KDM8: variants seen among roughly 807,000 people sequenced by gnomAD.
KDM8 encodes lysine demethylase 8, also known as bifunctional peptidase and arginyl-hydroxylase JMJD5.
In KDM8, 35 loss-of-function variants were observed where a neutral mutation model predicts 46.9. The ratio of observed to expected loss-of-function variants is 0.75; its 90% CI spans 0.57 to 0.99. The LOEUF (loss-of-function observed/expected upper bound fraction) is 0.99. Ranked by LOEUF, KDM8 falls within the 50% of genes least tolerant of loss-of-function variation. KDM8 has a pLI of 0.00. For missense variants in KDM8, 475 were observed against 537.0 expected (o/e 0.88, Z 1.14); for synonymous variants, 232 against 227.7 (o/e 1.02, Z -0.17).
At chr16:27,214,513 T>G in intron 3 of KDM8, 1 of 245,122 alleles carries the variant, frequency 4.1e-6, no homozygotes, top group Non-Finnish European at 8.3e-6. Context: ...GAGGGCAGAG[T>G]CCAGGAGACT....
At chr16:27,218,818 G>A (rs986445154) in intron 5 of KDM8, 143 bp from the exon 6 acceptor site, 3 of 948,156 alleles carry the variant, frequency 3.2e-6, no homozygotes, top group African/African-American at 3.3e-5. Context: ...CTGCACTCCA[G>A]CCTGAGAAAC....
Position 27,220,403 on chromosome 16 carries a change from G to A in KDM8, c.1004G>A (p.Arg335Lys). The part of the protein sequence containing the change: ...QQNFLVQVMG[R>K]KYIRLYSPQE... ...GGTCTCTCTCCCCAGGTGATGGGGA[G>A]GAAGTACATCCGGCTGTATTCCCCG... The change falls in exon 7 of 8, where the codon AGG (arginine) becomes AAG (lysine). Residue 335 changes from arginine (R) to lysine (K), a missense_variant. Coordinates refer to ENST00000286096, the MANE Select transcript of KDM8 (RefSeq NM_024773.3). The A allele has an allele frequency of 1.2e-6, 2 of 1,613,978 alleles. No homozygotes were observed. Among genetic ancestry groups the A allele is most frequent in the South Asian group, 1.1e-5 (1 of 91,076 alleles).
chr16:27,213,528 C>A, intron 2 of KDM8, 57 bp from the exon 3 acceptor site: 1 of 1,582,852 alleles, frequency 6.3e-7, no homozygotes, highest in Non-Finnish European at 8.6e-7. Flanking sequence ...GGTGGAATAC[C>A]TCAAATGTCG....
intron 3 of KDM8, 53 bp from the exon 4 acceptor site, chr16:27,214,823 C>G: frequency 6.2e-7 from 1 of 1,605,998 alleles, no homozygotes; most frequent in African/African-American, 1.3e-5. Flanking sequence ...ACACTTAGTA[C>G]TATGCCCAAC....
chr16:27,211,414 A>T, intron 2 of KDM8: 1 of 333,296 alleles, frequency 3.0e-6, no homozygotes, highest in Non-Finnish European at 5.9e-6. Flanking sequence ...GCCTGTTCCA[A>T]AGAGCACCCC....
chr16:27,220,737 T>C lies in KDM8; in HGVS notation c.*7T>C, dbSNP rs924812083. 4 of 1,614,164 alleles carry C rather than the reference T, an allele frequency of 2.5e-6. No homozygotes were observed. Among genetic ancestry groups the C allele is most frequent in the South Asian group, 1.1e-5 (1 of 91,088 alleles). On this transcript the variant is annotated 3_prime_UTR_variant, in exon 8 of 8. Coordinates refer to ENST00000286096, the MANE Select transcript of KDM8 (RefSeq NM_024773.3). ...CAGCTTCTGGTGGTCGTAGCCAGGA[T>C]AGGAGCTGAAAGGGCCTGACATGCA...
chr16:27,213,817 T>G, intron 3 of KDM8, 66 bp downstream of exon 3: 1 of 1,528,448 alleles, frequency 6.5e-7, no homozygotes, highest in African/African-American at 1.4e-5. Flanking sequence ...GCTCCCTGAA[T>G]TCCTCCCGAC....
In KDM8 at chr16:27,213,701, C is replaced by T. The variant is rs367775489; in HGVS notation, c.615C>T (p.Pro205=). Residue 205 remains proline (P), a synonymous_variant, in exon 3 of 8, where the codon CCC becomes CCT. Transcript: ENST00000286096. Reference sequence around the variant, plus strand: ...AGCAGTTTTTGGTTCCAGGGAGGCCCGTGATCCTGAAAGGCGTGGCTGACC... The same window carrying T: ...AGCAGTTTTTGGTTCCAGGGAGGCCTGTGATCCTGAAAGGCGTGGCTGACC... The part of the protein sequence containing the change: ...FREQFLVPGR[P]VILKGVADHW... 34 of 1,614,180 alleles carry T rather than the reference C, an allele frequency of 2.1e-5. No homozygotes were observed. Among genetic ancestry groups the T allele is most frequent in the Middle Eastern group, 3.3e-4 (2 of 6,062 alleles).
chr16:27,218,689 A>G (rs999186516), intron 5 of KDM8, among the ~76,000 whole-genome samples: 2 of 152,180 alleles, frequency 1.3e-5, no homozygotes, highest in Admixed American at 1.3e-4. Context: ...AAAAACAAAA[A>G]TTAAAAAAAA....
Position 27,220,617 on chromosome 16 carries a change from C to G in KDM8, c.1138C>G (p.Pro380Ala). The G allele has an allele frequency of 2.5e-6, 4 of 1,614,146 alleles. No individual in the cohort carries two copies. The highest frequency in any genetic ancestry group is 3.4e-6 in the Non-Finnish European group (4 of 1,180,030). The change falls in exon 8 of 8, where the codon CCA (proline) becomes GCA (alanine). Residue 380 changes from proline (P) to alanine (A), a missense_variant. Physicochemically the swap from Pro to Ala is conservative, Grantham distance 27. Coordinates refer to ENST00000286096, the MANE Select transcript of KDM8 (RefSeq NM_024773.3). ...AAAGTTCCCCAAGTTTGCCAAGGCCCCATTCCTGTCCTGCATCCTGTCTCC... is the reference window on the plus strand; with the variant it reads ...AAAGTTCCCCAAGTTTGCCAAGGCCGCATTCCTGTCCTGCATCCTGTCTCC... ...LEKFPKFAKA[P>A]FLSCILSPGE...
At chr16:27,213,537 C>T (rs374946987) in intron 2 of KDM8, 48 bp from the exon 3 acceptor site, 10 of 1,591,052 alleles carry the variant, frequency 6.3e-6, no homozygotes, top group Admixed American at 5.1e-5. Context: ...CCTCAAATGT[C>T]GACTTCCTGA....
At chr16:27,214,703 C>A (rs1387924571) in intron 3 of KDM8, 173 bp from the exon 4 acceptor site, 8 of 667,126 alleles carry the variant, frequency 1.2e-5, no homozygotes, top group Admixed American at 9.5e-5. Flanking sequence ...CAGCCTTGAG[C>A]AGGGAGCCCC....
chr16:27,203,637 G>C lies in KDM8; in HGVS notation c.-32+1G>C, dbSNP rs989021602. ...TCGACACCGTCCCAGCTGAAGAGAGGTTAGTCTGAGCAACTCGAGAGCGGA... is the reference window on the plus strand; with the variant it reads ...TCGACACCGTCCCAGCTGAAGAGAGCTTAGTCTGAGCAACTCGAGAGCGGA... On this transcript the variant is annotated splice_donor_variant, in intron 1 of 7. Transcript: ENST00000286096. LOFTEE classifies it low-confidence loss of function (5UTR_SPLICE). 1 of 158,326 alleles carries C rather than the reference G, an allele frequency of 6.3e-6. No homozygotes were observed. Among genetic ancestry groups the C allele is most frequent in the African/African-American group, 2.4e-5 (1 of 41,626 alleles). The allele number at this position is 158,326 out of a possible 1,614,324, so 9.8% of individuals were successfully genotyped here. A position where few individuals can be genotyped will look rare whatever the true frequency, so the allele number is the denominator to read the frequency against.
chr16:27,210,330 G>C lies in KDM8; in HGVS notation c.207G>C (p.Glu69Asp). Residue 69 changes from glutamate to aspartate, a missense_variant, in exon 2 of 8, where the codon GAG becomes GAC. Transcript: ENST00000286096. ...GRRDECLQSSEVILDYSWEKL... is the reference protein window; with the variant it reads ...GRRDECLQSSDVILDYSWEKL... ...GGGACGAGTGTCTGCAGAGCAGCGA[G>C]GTGATCCTGGACTACTCCTGGGAGA... is the stretch of plus-strand genomic sequence containing the variant. 6.2e-7 allele frequency: 1 copy of C among 1,613,338 alleles called. No homozygotes were observed. The highest frequency in any genetic ancestry group is 1.3e-5 in the African/African-American group (1 of 75,072).
chr16:27,210,700 C>G, intron 2 of KDM8, 79 bp downstream of exon 2: 1 of 1,413,872 alleles, frequency 7.1e-7, no homozygotes, highest in Non-Finnish European at 9.4e-7. Flanking sequence ...TCATCTCTCC[C>G]CTGGGGTGAG....
At chr16:27,217,636 A>G (rs2140974622) in intron 5 of KDM8, among the ~76,000 whole-genome samples, 1 of 152,282 alleles carries the variant, frequency 6.6e-6, no homozygotes, top group East Asian at 1.9e-4. Flanking sequence ...AGTGTCTGGG[A>G]CCAAGCTCCC....
intron 1 of KDM8, 88 bp downstream of exon 1, chr16:27,203,724 C>G (rs1434442448): frequency 4.3e-5 from 10 of 231,446 alleles, no homozygotes; most frequent in Non-Finnish European, 8.6e-6. Flanking sequence ...GCGCAGGCGT[C>G]ATGTGAAGCA....
chr16:27,216,411 T>TG lies in KDM8; in HGVS notation c.843+426dup, dbSNP rs2083553948. On this transcript the variant is annotated intron_variant, in intron 5 of 7. Coordinates refer to ENST00000286096, the MANE Select transcript of KDM8 (RefSeq NM_024773.3). Reference sequence around the variant, plus strand: ...CCCCAAAACACTAAATAGATGGAGCTGGGGCGCCCAGGAGGGACCTGGCTG... The same window carrying TG: ...CCCCAAAACACTAAATAGATGGAGCTGGGGGCGCCCAGGAGGGACCTGGCTG... Among the ~76,000 whole-genome samples the TG allele has an allele frequency of 2.0e-5, 3 of 152,070 alleles. No homozygotes were observed. The South Asian group carries it at 6.2e-4, about 32-fold the overall frequency.
chr16:27,210,489 C>T lies in KDM8; in HGVS notation c.366C>T (p.Val122=), dbSNP rs2083471927. 1.9e-6 allele frequency: 3 copies of T among 1,576,744 alleles called. No individual in the cohort carries two copies. The highest frequency in any genetic ancestry group is 2.6e-6 in the Non-Finnish European group (3 of 1,157,220). ...ACACTGTGGCCGCAGCCCTGCGGGT[C>T]TGTGACATGGGCCTGCTGATGGGGG... The part of the protein sequence containing the change: ...DANTVAAALR[V]CDMGLLMGAA... Residue 122 remains valine, a synonymous_variant, in exon 2 of 8, where the codon GTC becomes GTT. Transcript: ENST00000286096.
Sources: gnomAD v4.1 joint callset for allele counts (sites outside exome capture counted in the v4.1 genomes callset) on GRCh38, gnomAD v4.1.1 for gene constraint, MANE v1.5 for transcripts, NCBI Gene and HGNC (gene_info 2026-07-23, HGNC 2026-07-21) for gene names.